The following MPP7 variants were observed in gnomAD, a reference collection of about 807,000 sequenced individuals.
The protein encoded by MPP7 is MAGUK p55 scaffold protein 7, also known as MAGUK p55 subfamily member 7.
A neutral mutation model predicts 76.5 loss-of-function variants in MPP7; 60 were observed. That is an observed-to-expected ratio of 0.78 (90% confidence interval 0.64 to 0.97). MPP7 has a LOEUF of 0.97. Among genes scored for constraint, MPP7 ranks in the 50% least tolerant of loss-of-function variants. The pLI, the probability that MPP7 is intolerant of heterozygous loss-of-function variation, is 0.00. For synonymous variants in MPP7, 237 were observed against 244.5 expected (o/e 0.97, Z 0.29); for missense variants, 641 against 694.0 (o/e 0.92, Z 0.86).
chr10:28,306,663 A>ATAGC (rs1266788044), upstream of MPP7, among the ~76,000 whole-genome samples: 2 of 92,794 alleles, frequency 2.2e-5, no homozygotes, highest in Non-Finnish European at 4.2e-5. Context: ...TAGATGATAG[A>ATAGC]TAGATAGAGA....
intron 2 of MPP7, 37 bp from the exon 3 acceptor site, chr10:28,202,308 G>A (rs758724169): frequency 2.1e-6 from 3 of 1,438,420 alleles, no homozygotes; most frequent in South Asian, 2.4e-5. Context: ...TGTAATCTTA[G>A]AGTGATCTCA....
intron 11 of MPP7, among the ~76,000 whole-genome samples, chr10:28,101,313 A>G (rs1318234651): frequency 6.6e-6 from 1 of 152,200 alleles, no homozygotes. Flanking sequence ...TTTGCATGAC[A>G]TTCTTTAATA....
Position 28,208,683 on chromosome 10 carries a change from G to A in MPP7, c.38-6412C>T, listed in dbSNP as rs186361497. Among the ~76,000 whole-genome samples, 7 of 152,258 alleles carry A rather than the reference G, an allele frequency of 4.6e-5. No individual in the cohort carries two copies. The East Asian group carries it at 5.8e-4, about 13-fold the overall frequency. On this transcript the variant is annotated intron_variant, in intron 2 of 16. Coordinates refer to ENST00000683449, the MANE Select transcript of MPP7 (RefSeq NM_001318170.2). ...GTGCCCTCATCTGACAAAACTTAACGTCAGGCCAGCAGCAAAAGAGAAATA... is the reference window on the plus strand; with the variant it reads ...GTGCCCTCATCTGACAAAACTTAACATCAGGCCAGCAGCAAAAGAGAAATA...
rs192404050 is a variant in MPP7 at position 28,195,095 on chromosome 10, T to C, written c.156+7058A>G. On this transcript the variant is annotated intron_variant, in intron 3 of 16. Coordinates refer to ENST00000683449, the MANE Select transcript of MPP7 (RefSeq NM_001318170.2). ...GATGGGCAAAGGATCCAATTGGACA[T>C]TTCTCCAAAGAAGACATACAAATAG... Among the ~76,000 whole-genome samples the C allele has an allele frequency of 1.0e-3, 153 of 152,320 alleles. 2 individuals are homozygous for C. The highest frequency in any genetic ancestry group is 6.6e-4 in the Non-Finnish European group (45 of 68,020).
intron 11 of MPP7, among the ~76,000 whole-genome samples, chr10:28,102,416 T>G (rs1303279399): frequency 6.6e-6 from 1 of 152,142 alleles, no homozygotes; most frequent in Non-Finnish European, 1.5e-5. Flanking sequence ...CATGCTAACC[T>G]CTAAGAAATG....
chr10:28,145,732 C>T (rs960044728), intron 5 of MPP7, among the ~76,000 whole-genome samples: 1 of 152,136 alleles, frequency 6.6e-6, no homozygotes, highest in Non-Finnish European at 1.5e-5. Context: ...TATGAATATA[C>T]GTCTTTCATG....
intron 2 of MPP7, among the ~76,000 whole-genome samples, chr10:28,323,454 GA>G (rs5784053): frequency 0.43 from 61,887 of 144,094 alleles, 13,171 homozygotes; most frequent in Admixed American, 0.49. Flanking sequence ...CTCTATCTAG[GA>G]AAAAAAAAAA....
At chr10:28,323,655 G>A (rs955406797) in intron 2 of MPP7, among the ~76,000 whole-genome samples, 1 of 151,756 alleles carries the variant, frequency 6.6e-6, no homozygotes, top group Non-Finnish European at 1.5e-5. Flanking sequence ...GACCAGCTTG[G>A]GCAACATAAC....
chr10:28,300,531 T>C (rs1841130146), intron 1 of MPP7, among the ~76,000 whole-genome samples: 1 of 152,124 alleles, frequency 6.6e-6, no homozygotes, highest in African/African-American at 2.4e-5. Context: ...AATAAGTAAA[T>C]AAATGCTGGG....
intron 8 of MPP7, among the ~76,000 whole-genome samples, chr10:28,122,205 TG>T (rs1430325276): frequency 6.6e-6 from 1 of 152,114 alleles, no homozygotes; most frequent in Non-Finnish European, 1.5e-5. Context: ...TGTGTCTGTG[TG>T]TTTTTTTTTA....
At chr10:28,172,570 T>C (rs956479867) in intron 3 of MPP7, among the ~76,000 whole-genome samples, 3 of 152,168 alleles carry the variant, frequency 2.0e-5, no homozygotes, top group African/African-American at 7.2e-5. Flanking sequence ...AGAAAGTTGA[T>C]TTTCCAGCTA....
chr10:28,219,479 ATCACCATTCTTG>A (rs1365969636), intron 2 of MPP7, among the ~76,000 whole-genome samples: 1 of 152,166 alleles, frequency 6.6e-6, no homozygotes, highest in Non-Finnish European at 1.5e-5. Flanking sequence ...GAAATTTAAT[ATCACCATTCTTG>A]TCATATCCCT....
intron 1 of MPP7, among the ~76,000 whole-genome samples, chr10:28,271,221 A>C (rs1441151683): frequency 6.6e-6 from 1 of 152,240 alleles, no homozygotes; most frequent in Non-Finnish European, 1.5e-5. Flanking sequence ...GAGAAACCAA[A>C]GGAATATTTC....
At chr10:28,175,820 C>A (rs1451573057) in intron 3 of MPP7, among the ~76,000 whole-genome samples, 3 of 152,038 alleles carry the variant, frequency 2.0e-5, no homozygotes, top group Non-Finnish European at 4.4e-5. Context: ...GGGAGAGCAA[C>A]TAGGGGATGA....
intron 2 of MPP7, among the ~76,000 whole-genome samples, chr10:28,234,953 G>A (rs1200459458): frequency 6.6e-6 from 1 of 152,166 alleles, no homozygotes; most frequent in Non-Finnish European, 1.5e-5. Flanking sequence ...TGGAACTATA[G>A]GCACATGCCA....
chr10:28,165,120 T>C (rs1836404031), intron 3 of MPP7, among the ~76,000 whole-genome samples: 1 of 152,082 alleles, frequency 6.6e-6, no homozygotes, highest in South Asian at 2.1e-4. Context: ...GCAACAATAA[T>C]AGAGCATGTG....
intron 3 of MPP7, among the ~76,000 whole-genome samples, chr10:28,190,651 T>C (rs574158597): frequency 6.6e-6 from 1 of 152,166 alleles, no homozygotes; most frequent in Non-Finnish European, 1.5e-5. Flanking sequence ...ACTTGTGAGA[T>C]GCTGCAAAAG....
At chr10:28,156,946 A>G (rs908068663) in intron 3 of MPP7, among the ~76,000 whole-genome samples, 8 of 152,120 alleles carry the variant, frequency 5.3e-5, no homozygotes, top group Non-Finnish European at 1.0e-4. Flanking sequence ...GTGGTGGCTC[A>G]CACCTGTAAT....
At chr10:28,057,519 A>G (rs1157921590) in intron 15 of MPP7, 2 of 173,560 alleles carry the variant, frequency 1.2e-5, no homozygotes, top group Admixed American at 6.6e-5. Context: ...CCATGATTGC[A>G]AGTTTCCTGA....
Sources: gnomAD v4.1 joint callset for allele counts (sites outside exome capture counted in the v4.1 genomes callset) on GRCh38, gnomAD v4.1.1 for gene constraint, MANE v1.5 for transcripts, NCBI Gene and HGNC (gene_info 2026-07-23, HGNC 2026-07-21) for gene names.